Variants in ITPR1 observed in about 807,000 individuals in gnomAD.
ITPR1 encodes inositol 1,4,5-trisphosphate receptor type 1, also known as inositol 1,4,5-trisphosphate-gated calcium channel ITPR1.
Under a neutral mutation model 318.4 loss-of-function variants are expected in ITPR1, and 96 were observed. The ratio of observed to expected loss-of-function variants is 0.30; its 90% confidence interval spans 0.26 to 0.36. ITPR1 has a LOEUF of 0.36. Among genes scored for constraint, ITPR1 ranks in the 10% least tolerant of loss-of-function variants. The pLI is 1.00. For synonymous variants in ITPR1, 1,312 were observed against 1,289.9 expected (o/e 1.02, Z -0.37); for missense variants, 2,440 against 3,460.2 (o/e 0.71, Z 7.40).
intron 44 of ITPR1, among the ~76,000 whole-genome samples, chr3:4,761,441 T>G (rs912650262): frequency 1.3e-5 from 2 of 152,226 alleles, no homozygotes; most frequent in Non-Finnish European, 2.9e-5. Context: ...GGACCTGATC[T>G]CAGTCTCTTT....
chr3:4,504,192 T>G (rs1366286413), intron 2 of ITPR1, among the ~76,000 whole-genome samples: 1 of 152,208 alleles, frequency 6.6e-6, no homozygotes, highest in African/African-American at 2.4e-5. Flanking sequence ...TGCGGGCATC[T>G]TTTTTTGAGA....
At chr3:4,552,621 A>T (rs2085679286) in intron 4 of ITPR1, among the ~76,000 whole-genome samples, 1 of 152,178 alleles carries the variant, frequency 6.6e-6, no homozygotes, top group Admixed American at 6.5e-5. Flanking sequence ...CCACATGTTC[A>T]GTTATCTGAA....
At chr3:4,547,621 A>C (rs575977979) in intron 4 of ITPR1, among the ~76,000 whole-genome samples, 1 of 152,270 alleles carries the variant, frequency 6.6e-6, no homozygotes, top group Non-Finnish European at 1.5e-5. Flanking sequence ...TACCTTTGGA[A>C]CTTAGTTACT....
intron 61 of ITPR1, among the ~76,000 whole-genome samples, chr3:4,843,716 GC>G (rs1430587747): frequency 1.3e-4 from 20 of 152,188 alleles, no homozygotes; most frequent in African/African-American, 4.3e-4. Flanking sequence ...TCAGTGGGGA[GC>G]CTTAAGGATA....
intron 23 of ITPR1, among the ~76,000 whole-genome samples, chr3:4,676,108 G>A (rs2094179628): frequency 6.6e-6 from 1 of 151,732 alleles, no homozygotes; most frequent in African/African-American, 2.4e-5. Context: ...TTGGGAGGCT[G>A]TAGCAGGAGG....
intron 32 of ITPR1, among the ~76,000 whole-genome samples, chr3:4,691,683 A>C (rs1280122685): frequency 6.6e-6 from 1 of 152,226 alleles, no homozygotes; most frequent in Non-Finnish European, 1.5e-5. Flanking sequence ...CTTGTGGATT[A>C]TGAATTTTAA....
chr3:4,716,441 T>C (rs1023793746), intron 39 of ITPR1, among the ~76,000 whole-genome samples: 1 of 152,240 alleles, frequency 6.6e-6, no homozygotes, highest in African/African-American at 2.4e-5. Context: ...GGAATTAATG[T>C]AAAAGGATAT....
In ITPR1 at chr3:4,775,318, G is replaced by A; in HGVS notation, c.6056G>A (p.Cys2019Tyr). 1 of 1,613,932 alleles carries A rather than the reference G, an allele frequency of 6.2e-7. No homozygotes were observed. The highest frequency in any genetic ancestry group is 2.2e-5 in the East Asian group (1 of 44,890). ...ACCCTGCAGTTTCTGGACTGTATTT[G>A]TGGAAGCACAACTGGAGGCCTTGGT... ...CETLQFLDCI[C>Y]GSTTGGLGLL... Residue 2019 changes from cysteine (C) to tyrosine (Y), a missense_variant, in exon 47 of 62, where the codon TGT becomes TAT. By Grantham distance (194) the Cys-to-Tyr change is radical. Coordinates refer to ENST00000649015, the MANE Select transcript of ITPR1 (RefSeq NM_001378452.1).
chr3:4,814,742 C>A, intron 58 of ITPR1, 180 bp downstream of exon 58: 1 of 651,338 alleles, frequency 1.5e-6, no homozygotes, highest in East Asian at 2.7e-5. Context: ...GGTGGTGCCG[C>A]AAAGTCAGCT....
chr3:4,654,834 T>C (rs905296120), intron 12 of ITPR1, among the ~76,000 whole-genome samples: 7 of 152,200 alleles, frequency 4.6e-5, no homozygotes, highest in Admixed American at 2.6e-4. Context: ...TCTAGTTATG[T>C]CTTGGTGAAA....
chr3:4,537,027 A>G (rs1216912063), intron 4 of ITPR1, among the ~76,000 whole-genome samples: 2 of 152,172 alleles, frequency 1.3e-5, no homozygotes, highest in African/African-American at 4.8e-5. Context: ...GAAAACACAG[A>G]TTCAGGCATT....
intron 25 of ITPR1, 84 bp from the exon 26 acceptor site, chr3:4,681,280 A>T (rs2094293409): frequency 6.5e-6 from 6 of 924,562 alleles, no homozygotes; most frequent in Non-Finnish European, 1.1e-5. Flanking sequence ...CAACAGCTTT[A>T]CCCTGCAAAA....
chr3:4,518,465 A>G (rs1306395852), intron 3 of ITPR1, among the ~76,000 whole-genome samples: 1 of 152,136 alleles, frequency 6.6e-6, no homozygotes, highest in Non-Finnish European at 1.5e-5. Flanking sequence ...TGAATACTTT[A>G]TTTTCTCAGT....
intron 8 of ITPR1, 70 bp downstream of exon 8, chr3:4,644,304 T>C (rs544277006): frequency 2.9e-6 from 3 of 1,022,318 alleles, no homozygotes; most frequent in South Asian, 1.5e-5. Flanking sequence ...CGCCAGTGCA[T>C]GCGTGTGCTG....
chr3:4,543,888 T>C (rs1369036334), intron 4 of ITPR1, among the ~76,000 whole-genome samples: 1 of 152,226 alleles, frequency 6.6e-6, no homozygotes, highest in Non-Finnish European at 1.5e-5. Flanking sequence ...CAAAATCGTG[T>C]CTTTTTGCTC....
At chr3:4,636,568 A>G (rs1046997637) in intron 5 of ITPR1, among the ~76,000 whole-genome samples, 5 of 152,124 alleles carry the variant, frequency 3.3e-5, no homozygotes, top group Admixed American at 2.6e-4. Context: ...AGCTGGGACT[A>G]CAGGCGCCCG....
intron 18 of ITPR1, among the ~76,000 whole-genome samples, chr3:4,669,207 A>G (rs955573106): frequency 9.2e-5 from 14 of 152,232 alleles, no homozygotes; most frequent in African/African-American, 3.4e-4. Flanking sequence ...CCTTTTCTGT[A>G]GACGAGCATC....
intron 4 of ITPR1, among the ~76,000 whole-genome samples, chr3:4,553,022 G>A (rs1411956640): frequency 6.6e-6 from 1 of 152,170 alleles, no homozygotes; most frequent in Non-Finnish European, 1.5e-5. Flanking sequence ...CCAACACAAA[G>A]TGAAACATCT....
intron 4 of ITPR1, among the ~76,000 whole-genome samples, chr3:4,624,592 C>G (rs535711305): frequency 9.5e-4 from 144 of 150,954 alleles, no homozygotes; most frequent in African/African-American, 3.2e-3. Flanking sequence ...ATCACTTGAA[C>G]CCGGGAGGCA....
Sources: gnomAD v4.1 joint callset for allele counts (sites outside exome capture counted in the v4.1 genomes callset) on GRCh38, gnomAD v4.1.1 for gene constraint, MANE v1.5 for transcripts, NCBI Gene and HGNC (gene_info 2026-07-23, HGNC 2026-07-21) for gene names.